The following DAB2IP variants were observed in gnomAD, a reference collection of about 807,000 sequenced individuals.
DAB2IP encodes disabled homolog 2-interacting protein.
A neutral mutation model predicts 107.2 loss-of-function variants in DAB2IP; 28 were observed. The ratio of observed to expected loss-of-function variants is 0.26; its 90% CI spans 0.19 to 0.36. The LOEUF (loss-of-function observed/expected upper bound fraction) is 0.36, where lower values mean the gene tolerates loss of function less well. Among genes scored for constraint, DAB2IP ranks in the 10% least tolerant of loss-of-function variants. The pLI, the probability that DAB2IP is intolerant of heterozygous loss-of-function variation, is 1.00. For missense variants in DAB2IP, 1,400 were observed against 1,644.7 expected, an observed-to-expected ratio of 0.85 and a Z score of 2.57; for synonymous variants, 755 against 706.4, an observed-to-expected ratio of 1.07 and a Z score of -1.09.
intron 2 of DAB2IP, among the ~76,000 whole-genome samples, chr9:121,683,502 AG>A (rs1828703032): frequency 3.3e-5 from 5 of 152,184 alleles, no homozygotes. Flanking sequence ...GGAAGTTGAA[AG>A]TGGAGAGTCG....
chr9:121,638,754 G>T (rs1832177207), intron 1 of DAB2IP, among the ~76,000 whole-genome samples: 1 of 152,166 alleles, frequency 6.6e-6, no homozygotes, highest in Admixed American at 6.5e-5. Context: ...GGGGATGGAG[G>T]TCCCCAAAGG....
intron 1 of DAB2IP, among the ~76,000 whole-genome samples, chr9:121,583,437 G>C (rs1309984634): frequency 1.3e-5 from 2 of 152,066 alleles, no homozygotes; most frequent in Non-Finnish European, 2.9e-5. Flanking sequence ...AAAACAAATG[G>C]GTAACAGGGG....
chr9:121,598,361 TGAGCCGGGACGGCTCAAG>T (rs35286542), intron 1 of DAB2IP: 59,881 of 152,256 alleles, frequency 0.39, 12,091 homozygotes, highest in East Asian at 0.57. Flanking sequence ...CGTTGGATTC[TGAGCCGGGACGGCTCAAG>T]GAGCCGGGAG....
intron 1 of DAB2IP, among the ~76,000 whole-genome samples, chr9:121,592,907 GCAGA>G (rs1244506578): frequency 6.6e-6 from 1 of 152,118 alleles, no homozygotes; most frequent in Non-Finnish European, 1.5e-5. Flanking sequence ...GAGCGGATGG[GCAGA>G]CAGAGAGGAG....
chr9:121,757,561 C>T (rs1197625347), intron 4 of DAB2IP, among the ~76,000 whole-genome samples: 2 of 152,136 alleles, frequency 1.3e-5, no homozygotes, highest in Non-Finnish European at 2.9e-5. Context: ...CTGTTTCCCA[C>T]TGTGAACAAT....
intron 3 of DAB2IP, chr9:121,737,253 G>A (rs1831996321): frequency 1.0e-6 from 1 of 985,450 alleles, no homozygotes; most frequent in African/African-American, 1.7e-5. Flanking sequence ...TTTGCTTTCA[G>A]GAGTGTTTCT....
Position 121,574,519 on chromosome 9 carries a change from G to T in DAB2IP, c.40+7291G>T, listed in dbSNP as rs559509878. Among the ~76,000 whole-genome samples the T allele has an allele frequency of 1.0e-3, 157 of 152,276 alleles. 2 individuals carry two copies. In the South Asian group the frequency reaches 0.032, roughly 31 times the overall value. ...ATTAGGCCAAGGATGCAGAGCTGGG[G>T]TCCTATTTATGAGCATTTACTGTGT... is the stretch of plus-strand genomic sequence containing the variant. On this transcript the variant is annotated intron_variant, in intron 1 of 16. Transcript: ENST00000259371.
rs1829611845 is a variant in DAB2IP, at chr9:121,699,203, G to A, written c.229-122G>A. On this transcript the variant is annotated intron_variant, in intron 2 of 15. Transcript: ENST00000408936. The surrounding 1 kb of genome is among the most constrained non-coding windows in gnomAD (Gnocchi z 6.2). Reference sequence around the variant, plus strand: ...GCCGCGAGCTGCTGGGGCCGAGCCCGAGCCCGGCCCGCCCTCGGCCGCGCG... The same window carrying A: ...GCCGCGAGCTGCTGGGGCCGAGCCCAAGCCCGGCCCGCCCTCGGCCGCGCG... The A allele has an allele frequency of 2.1e-6, 2 of 961,928 alleles. No individual in the cohort carries two copies. The highest frequency in any genetic ancestry group is 1.8e-5 in the African/African-American group (1 of 55,766). The allele number at this position is 961,928 out of a possible 1,614,324, so 59.6% of individuals were successfully genotyped here.
At chr9:121,649,724 A>T (rs1344466878), upstream of DAB2IP, among the ~76,000 whole-genome samples, 1 of 152,228 alleles carries the variant, frequency 6.6e-6, no homozygotes. Flanking sequence ...CTACGTGAGG[A>T]GGCACTGAAC....
chr9:121,729,151 C>T (rs1831386224), intron 3 of DAB2IP, among the ~76,000 whole-genome samples: 1 of 152,170 alleles, frequency 6.6e-6, no homozygotes, highest in South Asian at 2.1e-4. Flanking sequence ...ATTCTTATCT[C>T]CTGTGTACAG....
At chr9:121,765,219 G>A (rs191608239) in intron 8 of DAB2IP, among the ~76,000 whole-genome samples, 2 of 152,190 alleles carry the variant, frequency 1.3e-5, no homozygotes, top group African/African-American at 2.4e-5. Context: ...CCTCTTCCAG[G>A]GGGGCTGGGC....
chr9:121,653,213 AGGGAGTACTAAGCCTTTAGTACTCC>A, intron 1 of DAB2IP, among the ~76,000 whole-genome samples: 1 of 46,254 alleles, frequency 2.2e-5, no homozygotes, highest in Non-Finnish European at 6.5e-5. Context: ...TACTCCTTGG[AGGGAGTACTAAGCCTTTAGTACTCC>A]TTGGAGGGAG....
In DAB2IP at chr9:121,757,033, T is replaced by C. The variant is rs150226818; in HGVS notation, c.383T>C (p.Leu128Pro). The change falls in exon 4 of 16, where the codon CTG becomes CCG. Residue 128 changes from leucine (L) to proline (P), a missense_variant. By Grantham distance (98) the Leu-to-Pro change is moderately conservative. This residue lies in a region of DAB2IP where 283 missense variants were observed against 237.0 expected (regional missense o/e 1.19). Coordinates refer to ENST00000408936, the Ensembl canonical transcript of DAB2IP. ...CCCAGGTCCCATCTGATGCCGAGGC[T>C]GAAGGAGTCTCGCTCCCACGAGTCC... is the stretch of plus-strand genomic sequence containing the variant. 131 of 1,614,132 alleles carry C rather than the reference T, an allele frequency of 8.1e-5. No homozygotes were observed. The South Asian group carries it at 1.2e-3, about 14-fold the overall frequency.
chr9:121,722,488 A>G (rs1830997270), intron 3 of DAB2IP, among the ~76,000 whole-genome samples: 1 of 152,074 alleles, frequency 6.6e-6, no homozygotes, highest in South Asian at 2.1e-4. Flanking sequence ...CTAAATGATC[A>G]CCTGCAGAAA....
chr9:121,631,813 T>TA (rs752400251), intron 1 of DAB2IP, among the ~76,000 whole-genome samples: 11,530 of 58,822 alleles, frequency 0.2, 1,362 homozygotes, highest in East Asian at 0.32. Context: ...AGACTCCGTC[T>TA]AAAAAAAAAA....
intron 1 of DAB2IP, among the ~76,000 whole-genome samples, chr9:121,613,164 A>G (rs1223524311): frequency 1.3e-5 from 2 of 152,178 alleles, no homozygotes; most frequent in Non-Finnish European, 2.9e-5. Context: ...TGGGCTCCTC[A>G]GTGTTTTGAG....
Position 121,702,435 on chromosome 9 carries a change from G to A in DAB2IP, c.362+2977G>A, listed in dbSNP as rs530243467. Among the ~76,000 whole-genome samples, 6 of 152,200 alleles carry A rather than the reference G, an allele frequency of 3.9e-5. No individual in the cohort carries two copies. Among genetic ancestry groups the A allele is most frequent in the African/African-American group, 9.6e-5 (4 of 41,518 alleles). On this transcript the variant is annotated intron_variant, in intron 3 of 15. Transcript: ENST00000408936. This position sits in a 1 kb window ranked among gnomAD's most constrained non-coding sequence, Gnocchi z 4.5. Reference sequence around the variant, plus strand: ...GGCTGTAGGACAGGCTTGAGCCTTCGGACTTATTCTTCTGAAACGGCCTCA... The same window carrying A: ...GGCTGTAGGACAGGCTTGAGCCTTCAGACTTATTCTTCTGAAACGGCCTCA...
intron 1 of DAB2IP, among the ~76,000 whole-genome samples, chr9:121,637,747 T>G (rs1832140419): frequency 6.6e-6 from 1 of 152,140 alleles, no homozygotes; most frequent in Admixed American, 6.5e-5. Context: ...AATGTATTAT[T>G]AAATGGCAGA....
chr9:121,758,726 C>T (rs1046615487), intron 4 of DAB2IP, among the ~76,000 whole-genome samples, 172 bp from the exon 5 acceptor site: 1 of 152,172 alleles, frequency 6.6e-6, no homozygotes, highest in Non-Finnish European at 1.5e-5. Context: ...AAGTGTACCA[C>T]CTGCAAAACA....
Sources: gnomAD v4.1 joint callset for allele counts (sites outside exome capture counted in the v4.1 genomes callset) on GRCh38, gnomAD v4.1.1 for gene constraint, gnomAD v4.1.1 regional missense constraint, Gnocchi (gnomAD v3.1) non-coding constraint, MANE v1.5 for transcripts, NCBI Gene and HGNC (gene_info 2026-07-23, HGNC 2026-07-21) for gene names.